The following LRBA variants were observed in gnomAD, a reference collection of about 807,000 sequenced individuals.
LRBA encodes the protein lipopolysaccharide-responsive and beige-like anchor protein.
Under a neutral mutation model 330.0 loss-of-function variants are expected in LRBA, and 176 were observed. The ratio of observed to expected loss-of-function variants is 0.53; its 90% CI spans 0.47 to 0.60. The LOEUF (loss-of-function observed/expected upper bound fraction) is 0.60. Among genes scored for constraint, LRBA ranks in the 20% least tolerant of loss-of-function variants. The pLI, the probability that LRBA is intolerant of heterozygous loss-of-function variation, is 0.00. For synonymous variants in LRBA, 1,230 were observed against 1,193.0 expected (o/e 1.03, Z -0.64); for missense variants, 3,259 against 3,444.8 (o/e 0.95, Z 1.35).
chr4:150,931,600 CAAAA>C (rs367728964), intron 2 of LRBA, among the ~76,000 whole-genome samples: 1 of 98,538 alleles, frequency 1.0e-5, no homozygotes, highest in Non-Finnish European at 2.2e-5. Flanking sequence ...TCTCCATATT[CAAAA>C]AAAAAAAAAA....
At chr4:150,841,941 C>G (rs912639266) in intron 28 of LRBA, among the ~76,000 whole-genome samples, 2 of 152,138 alleles carry the variant, frequency 1.3e-5, no homozygotes, top group African/African-American at 4.8e-5. Flanking sequence ...CAGGTGTGAG[C>G]CACCGCACCC....
intron 40 of LRBA, among the ~76,000 whole-genome samples, chr4:150,585,588 T>A (rs1293065562): frequency 6.6e-6 from 1 of 152,222 alleles, no homozygotes; most frequent in Non-Finnish European, 1.5e-5. Flanking sequence ...ACAGAAAGTA[T>A]CCCAAAGGAA....
chr4:150,870,567 GT>G lies in LRBA; in HGVS notation c.2406del (p.Lys802AsnfsTer10). The G allele has an allele frequency of 6.3e-7, 1 of 1,594,432 alleles. No individual in the cohort carries two copies. The highest frequency in any genetic ancestry group is 1.1e-5 in the South Asian group (1 of 90,704). On this transcript the variant is annotated frameshift_variant, in exon 20 of 57. Transcript: ENST00000651943. LOFTEE classifies it high-confidence loss of function. Reference sequence around the variant, plus strand: ...ACTGAAGAATCAGGATCTGGATGCTGTTTATGTATCACCTGAGTACCAATCT... The same window carrying G: ...ACTGAAGAATCAGGATCTGGATGCTGTTATGTATCACCTGAGTACCAATCT... ...IEQIGTQVIH[K>X]QHPDPDSSVK... is the part of the protein sequence containing the mutation.
intron 31 of LRBA, among the ~76,000 whole-genome samples, chr4:150,813,173 AAAAG>A (rs1259987346): frequency 0.51 from 22,712 of 44,146 alleles, 4,177 homozygotes; most frequent in African/African-American, 0.58. Flanking sequence ...AAAAAAAAAA[AAAAG>A]AAAGAAAGAA....
intron 37 of LRBA, among the ~76,000 whole-genome samples, chr4:150,634,734 G>C (rs1051065696): frequency 6.6e-6 from 1 of 152,048 alleles, no homozygotes; most frequent in Non-Finnish European, 1.5e-5. Flanking sequence ...TTCTGCAGTG[G>C]ACAGGCATTT....
chr4:150,344,901 T>A (rs925499406), intron 48 of LRBA, among the ~76,000 whole-genome samples: 1 of 151,570 alleles, frequency 6.6e-6, no homozygotes, highest in Non-Finnish European at 1.5e-5. Flanking sequence ...GGCTCCTGTG[T>A]CTCTCTCTCT....
intron 40 of LRBA, among the ~76,000 whole-genome samples, chr4:150,559,929 T>TATATATATATCTATATAAATATATATAA (rs1561352962): frequency 5.6e-4 from 55 of 97,398 alleles, no homozygotes; most frequent in East Asian, 1.8e-3. Context: ...TAAATATAAA[T>TATATATATATCTATATAAATATATATAA]ATATATATAT....
intron 16 of LRBA, among the ~76,000 whole-genome samples, chr4:150,895,529 T>C (rs1056559895): frequency 1.3e-5 from 2 of 151,926 alleles, no homozygotes; most frequent in South Asian, 2.1e-4. Context: ...TGAGAACATG[T>C]GGTGTTTGGT....
At chr4:151,010,887 TAA>T (rs781407120) in intron 2 of LRBA, among the ~76,000 whole-genome samples, 52 of 77,352 alleles carry the variant, frequency 6.7e-4, no homozygotes, top group Admixed American at 1.3e-3. Context: ...CCCTCTCAAT[TAA>T]AAAAAAAAAA....
chr4:150,619,539 G>C (rs1053935197), intron 37 of LRBA, among the ~76,000 whole-genome samples: 3 of 152,216 alleles, frequency 2.0e-5, no homozygotes, highest in Non-Finnish European at 4.4e-5. Context: ...ACATATTCAA[G>C]TCTGTTTATA....
At chr4:150,489,645 T>C (rs1315822156) in intron 41 of LRBA, among the ~76,000 whole-genome samples, 1 of 108,854 alleles carries the variant, frequency 9.2e-6, no homozygotes, top group African/African-American at 3.5e-5. Context: ...TAAGAATATA[T>C]AATATATAAT....
chr4:150,561,291 A>T (rs889069780), intron 40 of LRBA, among the ~76,000 whole-genome samples: 39 of 152,160 alleles, frequency 2.6e-4, no homozygotes, highest in Admixed American at 1.1e-3. Context: ...ATTCCTTCTA[A>T]ACCACAAAGG....
At chr4:150,476,714 A>G (rs1255806197) in intron 42 of LRBA, among the ~76,000 whole-genome samples, 1 of 152,228 alleles carries the variant, frequency 6.6e-6, no homozygotes, top group African/African-American at 2.4e-5. Flanking sequence ...AGGGTTAGGC[A>G]AAACTTGCAG....
intron 42 of LRBA, among the ~76,000 whole-genome samples, chr4:150,486,597 T>A (rs1757897684): frequency 2.0e-5 from 3 of 151,898 alleles, no homozygotes; most frequent in South Asian, 2.1e-4. Context: ...CTTGTATACA[T>A]CACGAAATAG....
At chr4:150,921,130 A>T in intron 5 of LRBA, 68 bp downstream of exon 5, 1 of 1,009,404 alleles carries the variant, frequency 9.9e-7, no homozygotes, top group Non-Finnish European at 1.6e-6. Flanking sequence ...GGGTGTTCAC[A>T]GGGCTGTACT....
At chr4:150,610,593 AAAAC>A (rs548234556) in intron 37 of LRBA, among the ~76,000 whole-genome samples, 26 of 152,154 alleles carry the variant, frequency 1.7e-4, no homozygotes, top group African/African-American at 2.9e-4. Context: ...CCATCACAAA[AAAAC>A]AAACAAACAA....
intron 2 of LRBA, among the ~76,000 whole-genome samples, chr4:150,943,979 G>C (rs894009574): frequency 2.0e-5 from 3 of 152,148 alleles, no homozygotes; most frequent in African/African-American, 7.2e-5. Flanking sequence ...CACTTAGAGA[G>C]GAACAGTCCT....
At chr4:150,722,566 G>A (rs1393137753) in intron 36 of LRBA, among the ~76,000 whole-genome samples, 4 of 151,960 alleles carry the variant, frequency 2.6e-5, no homozygotes, top group African/African-American at 7.3e-5. Context: ...GAACATACAA[G>A]TGACTAATAT....
intron 37 of LRBA, among the ~76,000 whole-genome samples, chr4:150,638,328 A>G (rs1476746473): frequency 1.3e-5 from 2 of 152,122 alleles, no homozygotes; most frequent in Non-Finnish European, 2.9e-5. Flanking sequence ...CGCCCGGCCA[A>G]CTTCTTTAAT....
Sources: allele counts gnomAD v4.1 joint callset (sites outside exome capture counted in the v4.1 genomes callset), GRCh38; gene constraint gnomAD v4.1.1; transcripts MANE v1.5; gene names NCBI Gene and HGNC (gene_info 2026-07-23, HGNC 2026-07-21).